The following COL27A1 variants were observed in gnomAD, a reference collection of about 807,000 sequenced individuals.
COL27A1 encodes collagen alpha-1(XXVII) chain.
In COL27A1, 106 loss-of-function variants were observed where a neutral mutation model predicts 251.3. The observed-to-expected ratio is 0.42, with a 90% CI of 0.36 to 0.50. The LOEUF is 0.50. Among genes scored for constraint, COL27A1 ranks in the 20% least tolerant of loss-of-function variants. The probability of loss-of-function intolerance (pLI) is 0.00; values close to 1 mark genes in which losing one functional copy is unlikely to be tolerated. For missense variants in COL27A1, 2,325 were observed against 2,522.8 expected, an observed-to-expected ratio of 0.92 and a Z score of 1.68; for synonymous variants, 1,000 against 986.3, an observed-to-expected ratio of 1.01 and a Z score of -0.26.
At chr9:114,264,875 G>C in intron 29 of COL27A1, 49 bp from the exon 30 acceptor site, 2 of 1,571,590 alleles carry the variant, frequency 1.3e-6, no homozygotes, top group Non-Finnish European at 8.6e-7. Flanking sequence ...TTTGGGGAAC[G>C]GTCCTCCCAA....
chr9:114,289,731 C>G (rs1019162190), intron 45 of COL27A1, among the ~76,000 whole-genome samples: 2 of 152,138 alleles, frequency 1.3e-5, no homozygotes, highest in Non-Finnish European at 2.9e-5. Flanking sequence ...AATGCTCTTT[C>G]CCTCCCCCGG....
chr9:114,205,672 T>A, intron 8 of COL27A1, 87 bp from the exon 9 acceptor site: 1 of 1,184,916 alleles, frequency 8.4e-7, no homozygotes, highest in Non-Finnish European at 1.3e-6. Context: ...TCTTTATTCA[T>A]TGTCAGCCCC....
At chr9:114,194,966 C>T (rs192382278) in intron 6 of COL27A1, among the ~76,000 whole-genome samples, 1 of 152,318 alleles carries the variant, frequency 6.6e-6, no homozygotes, top group East Asian at 1.9e-4. Flanking sequence ...AGGAAAAACA[C>T]TTTGGCTAAA....
chr9:114,165,567 A>T (rs1000364480), intron 2 of COL27A1, among the ~76,000 whole-genome samples: 1 of 147,278 alleles, frequency 6.8e-6, no homozygotes. Flanking sequence ...CCATCTATTC[A>T]TCTATTCATC....
In COL27A1 at chr9:114,210,993, C is replaced by A. The variant is rs34350265; in HGVS notation, c.2334C>A (p.Gly778=). The change falls in exon 12 of 61, where the codon GGC becomes GGA. Residue 778 remains glycine, a synonymous_variant. Coordinates refer to ENST00000356083, the MANE Select transcript of COL27A1 (RefSeq NM_032888.4). ...TCTCTCCCCTGCAGGGCCTGCCTGG[C>A]GTTCCTGGCAAGAGGGGCAAGATGG... ...PGSDGERGLP[G]VPGKRGKMGM... is the part of the protein sequence containing the mutation. 1.2e-6 allele frequency: 2 copies of A among 1,614,002 alleles called. No individual in the cohort carries two copies. Among genetic ancestry groups the A allele is most frequent in the Non-Finnish European group, 1.7e-6 (2 of 1,179,986 alleles).
rs1588905280 is a variant in COL27A1, at chr9:114,306,397, C to T, written c.4939-123C>T. On this transcript the variant is annotated intron_variant, in intron 57 of 60. Coordinates refer to ENST00000356083, the MANE Select transcript of COL27A1 (RefSeq NM_032888.4). ...AAAATAAAGAGAAACCCAACCCGTG[C>T]TCTAGCCATGACCGTGGAACCGAGA... is the stretch of plus-strand genomic sequence containing the variant. The T allele has an allele frequency of 2.0e-5, 19 of 933,150 alleles. No homozygotes were observed. In the South Asian group the frequency reaches 2.8e-4, roughly 14 times the overall value. 57.8% of individuals were successfully genotyped at this position (933,150 alleles called of 1,614,324 possible).
rs1173628572 is a variant in COL27A1 at position 114,288,695 on chromosome 9, C to T, written c.4045-7C>T. 1 of 1,606,100 alleles carries T rather than the reference C, an allele frequency of 6.2e-7. No individual in the cohort carries two copies. Among genetic ancestry groups the T allele is most frequent in the Non-Finnish European group, 8.5e-7 (1 of 1,174,052 alleles). The stretch of plus-strand genomic sequence containing the variant: ...GCCCAAATTTTGCTGTTGTCTTTGT[C>T]ATTCAGGGCCCTGTGGGTGATCGAG... On this transcript the variant is annotated splice_region_variant and splice_polypyrimidine_tract_variant and intron_variant, in intron 42 of 60. Coordinates refer to ENST00000356083, the MANE Select transcript of COL27A1 (RefSeq NM_032888.4).
chr9:114,301,441 C>T lies in COL27A1; in HGVS notation c.4792-4C>T. 1.9e-6 allele frequency: 3 copies of T among 1,611,890 alleles called. No homozygotes were observed. The highest frequency in any genetic ancestry group is 1.1e-5 in the South Asian group (1 of 90,996). ...CTCTCTCCCCTGCTTCTGTCTCCCT[C>T]CAGGGATTGCAAGGTCCGAGGGTGA... is the stretch of plus-strand genomic sequence containing the variant. On this transcript the variant is annotated splice_polypyrimidine_tract_variant and splice_region_variant and intron_variant, in intron 53 of 60. Coordinates refer to ENST00000356083, the MANE Select transcript of COL27A1 (RefSeq NM_032888.4).
chr9:114,284,028 C>T (rs934997501), intron 40 of COL27A1, among the ~76,000 whole-genome samples: 16 of 152,092 alleles, frequency 1.1e-4, no homozygotes, highest in Admixed American at 7.9e-4. Flanking sequence ...CCAGGGTGGG[C>T]GCTCTGCATG....
At chr9:114,231,767 C>T (rs904888152) in intron 15 of COL27A1, 55 bp from the exon 16 acceptor site, 15 of 1,596,502 alleles carry the variant, frequency 9.4e-6, no homozygotes, top group Non-Finnish European at 1.1e-5. Flanking sequence ...GCCAGGGCTC[C>T]TGACTTCTGT....
At position 114,263,495 on chromosome 9, in the gene COL27A1, A is replaced by G. The variant is rs1295328225; in HGVS notation, c.3196-860A>G. On this transcript the variant is annotated intron_variant, in intron 28 of 60. Coordinates refer to ENST00000356083, the MANE Select transcript of COL27A1 (RefSeq NM_032888.4). ...CTGTTTTCCACGGGTTTTTTCCAGG[A>G]GAGCCCAGCCCATCTGCGTCTCTGT... Among the ~76,000 whole-genome samples the G allele has an allele frequency of 2.0e-5, 3 of 151,674 alleles. No homozygotes were observed. The East Asian group carries it at 5.9e-4, about 30-fold the overall frequency.
At chr9:114,199,759 A>C (rs775191195) in intron 7 of COL27A1, among the ~76,000 whole-genome samples, 5 of 151,982 alleles carry the variant, frequency 3.3e-5, no homozygotes, top group Non-Finnish European at 7.4e-5. Context: ...ACAGAACCCA[A>C]CCTGTTCATC....
Position 114,209,737 on chromosome 9 carries a change from G to C in COL27A1, c.2322+9G>C, listed in dbSNP as rs2135328709. The C allele has an allele frequency of 5.6e-6, 9 of 1,613,992 alleles. No individual in the cohort carries two copies. The highest frequency in any genetic ancestry group is 7.6e-6 in the Non-Finnish European group (9 of 1,179,860). On this transcript the variant is annotated intron_variant, in intron 11 of 60. Transcript: ENST00000356083. ...GGTCTGATGGAGAACGAGTAAGTTTGCTTCTTTGGTTATTCACCATCCACA... is the reference window on the plus strand; with the variant it reads ...GGTCTGATGGAGAACGAGTAAGTTTCCTTCTTTGGTTATTCACCATCCACA...
rs553316810 is a variant in COL27A1, at chr9:114,208,353, G to A, written c.2269-1322G>A. Among the ~76,000 whole-genome samples, 19 of 152,290 alleles carry A rather than the reference G, an allele frequency of 1.2e-4. No individual in the cohort carries two copies. The South Asian group carries it at 2.3e-3, about 18-fold the overall frequency. On this transcript the variant is annotated intron_variant, in intron 10 of 60. Coordinates refer to ENST00000356083, the MANE Select transcript of COL27A1 (RefSeq NM_032888.4). ...GTGATCAGCTATTCAGGAGACTGAG[G>A]CAGGAGAATCGCTTGAACCCGGTAA...
chr9:114,250,637 T>G lies in COL27A1; in HGVS notation c.3002T>G (p.Leu1001Arg). 1 of 1,612,248 alleles carries G rather than the reference T, an allele frequency of 6.2e-7. No homozygotes were observed. The highest frequency in any genetic ancestry group is 8.5e-7 in the Non-Finnish European group (1 of 1,178,410). ...TAGGGATTTATGGGATTCATTGGTC[T>G]GGTCGGGGAGCCAGGAATCGTGGGA... Reference protein sequence around the residue: ...GEQGFMGFIGLVGEPGIVGEK... With the variant: ...GEQGFMGFIGRVGEPGIVGEK... The change falls in exon 25 of 61, where the codon CTG (leucine) becomes CGG (arginine). Residue 1001 changes from leucine (L) to arginine (R), a missense_variant. Leu to Arg is a moderately radical substitution (Grantham distance 102). Coordinates refer to ENST00000356083, the MANE Select transcript of COL27A1 (RefSeq NM_032888.4).
At chr9:114,213,866 C>T (rs2135351461) in intron 12 of COL27A1, among the ~76,000 whole-genome samples, 1 of 152,296 alleles carries the variant, frequency 6.6e-6, no homozygotes, top group South Asian at 2.1e-4. Flanking sequence ...TTGCCTTTAA[C>T]TTTCTAAGAC....
At position 114,264,397 on chromosome 9, in the gene COL27A1, A is replaced by G. The variant is rs1226044794; in HGVS notation, c.3238A>G (p.Arg1080Gly). The G allele has an allele frequency of 1.9e-6, 3 of 1,587,846 alleles. No individual in the cohort carries two copies. Among genetic ancestry groups the G allele is most frequent in the African/African-American group, 2.7e-5 (2 of 74,432 alleles). Residue 1080 changes from arginine to glycine, a missense_variant, in exon 29 of 61, where the codon AGG becomes GGG. By Grantham distance (125) the Arg-to-Gly change is moderately radical. Around this residue, in one of 4 missense-constraint regions of COL27A1, gnomAD observed 662 missense variants for 795.3 expected, o/e 0.83. Transcript: ENST00000356083. ...CGGACCAGCTGGGGAGCAAGGGTCC[A>G]GGGGCCTGAAGGTACCGACCCCTAG... ...PDGPAGEQGS[R>G]GLKGPPGPQG...
intron 2 of COL27A1, among the ~76,000 whole-genome samples, chr9:114,166,932 G>A (rs1485987241): frequency 6.6e-6 from 1 of 152,150 alleles, no homozygotes; most frequent in Non-Finnish European, 1.5e-5. Context: ...AGTCCTGTGG[G>A]GAGAAGGAGG....
intron 7 of COL27A1, among the ~76,000 whole-genome samples, chr9:114,200,892 A>C (rs1262602225): frequency 6.6e-6 from 1 of 151,836 alleles, no homozygotes; most frequent in African/African-American, 2.4e-5. Context: ...GTCAACTACA[A>C]GGGGAGCTGA....
Sources: allele counts gnomAD v4.1 joint callset (sites outside exome capture counted in the v4.1 genomes callset), GRCh38; gene constraint gnomAD v4.1.1; regional missense constraint gnomAD v4.1.1; transcripts MANE v1.5; gene names NCBI Gene and HGNC (gene_info 2026-07-23, HGNC 2026-07-21).